FBXW11: variants seen among roughly 807,000 people sequenced by gnomAD.
FBXW11 encodes F-box/WD repeat-containing protein 11.
FBXW11 carries 19 observed loss-of-function variants against 77.6 expected under a neutral mutation model. The ratio of observed to expected loss-of-function variants is 0.24; its 90% CI spans 0.17 to 0.36. The LOEUF is 0.36. FBXW11 is among the 10% of genes least tolerant of loss of function. The pLI, the probability that FBXW11 is intolerant of heterozygous loss-of-function variation, is 1.00. For missense variants in FBXW11, 334 were observed against 704.2 expected, an observed-to-expected ratio of 0.47 and a Z score of 5.95; for synonymous variants, 235 against 249.4, an observed-to-expected ratio of 0.94 and a Z score of 0.54.
intron 7 of FBXW11, among the ~76,000 whole-genome samples, chr5:171,880,137 T>C (rs895170668): frequency 6.6e-5 from 10 of 152,226 alleles, no homozygotes; most frequent in Non-Finnish European, 1.2e-4. Flanking sequence ...GTCTAGACTG[T>C]TTAAGGGTAA....
intron 6 of FBXW11, among the ~76,000 whole-genome samples, chr5:171,895,963 C>A (rs77168743): frequency 6.6e-6 from 1 of 152,158 alleles, no homozygotes; most frequent in Non-Finnish European, 1.5e-5. Context: ...AACACCCAGG[C>A]GAGATGAGCC....
Position 171,927,983 on chromosome 5 carries a change from G to A in FBXW11, c.148-13578C>T, listed in dbSNP as rs148421461. ...TTCTTATTCCTCCTATTTCTTCACC[G>A]ATCAGCAAGGTTGAGCACTTCCATC... is the stretch of plus-strand genomic sequence containing the variant. On this transcript the variant is annotated intron_variant, in intron 2 of 13. Transcript: ENST00000517395. Among the ~76,000 whole-genome samples the A allele has an allele frequency of 6.6e-5, 10 of 152,192 alleles. No individual in the cohort carries two copies. The East Asian group carries it at 1.2e-3, about 18-fold the overall frequency.
intron 10 of FBXW11, among the ~76,000 whole-genome samples, chr5:171,872,122 T>C (rs1188993185): frequency 4.6e-5 from 7 of 152,236 alleles, no homozygotes. Context: ...AAACCCAATC[T>C]TTATTTTGAC....
At chr5:171,969,205 T>C (rs1403787212) in intron 1 of FBXW11, among the ~76,000 whole-genome samples, 1 of 152,054 alleles carries the variant, frequency 6.6e-6, no homozygotes, top group Non-Finnish European at 1.5e-5. Context: ...GAGGCAGAGG[T>C]TGCAGTAAGC....
At chr5:171,889,875 G>A (rs955151853) in intron 7 of FBXW11, among the ~76,000 whole-genome samples, 1 of 151,618 alleles carries the variant, frequency 6.6e-6, no homozygotes, top group Non-Finnish European at 1.5e-5. Context: ...CCCAGGCAAG[G>A]GTAAAACTCC....
chr5:171,922,957 C>G (rs899945001), intron 2 of FBXW11, among the ~76,000 whole-genome samples: 1 of 152,058 alleles, frequency 6.6e-6, no homozygotes, highest in Admixed American at 6.6e-5. Flanking sequence ...CTCTGCTGCC[C>G]AGGCTAGAGT....
At chr5:171,882,071 C>T (rs1758547633) in intron 7 of FBXW11, among the ~76,000 whole-genome samples, 1 of 152,144 alleles carries the variant, frequency 6.6e-6, no homozygotes, top group Non-Finnish European at 1.5e-5. Flanking sequence ...TTTCATTGAT[C>T]TCTGCCCTAC....
rs752011198 is a variant in FBXW11, at chr5:171,869,837, GA to G, written c.1452-31del. The G allele has an allele frequency of 6.0e-5, 90 of 1,491,170 alleles. No individual in the cohort carries two copies. The Middle Eastern group carries it at 1.2e-3, about 20-fold the overall frequency. 92.4% of individuals were successfully genotyped at this position (1,491,170 alleles called of 1,614,324 possible). A position where few individuals can be genotyped will look rare whatever the true frequency, so the allele number is the denominator to read the frequency against. ...AAAGGAAAATGAGATGTGATTAGTG[GA>G]AAAGTGAACAATTTATATGCTGTCA... On this transcript the variant is annotated intron_variant, in intron 11 of 13. Coordinates refer to ENST00000517395, the MANE Select transcript of FBXW11 (RefSeq NM_001378974.1). The surrounding 1 kb of genome is among the most constrained non-coding windows in gnomAD (Gnocchi z 4.1).
At chr5:171,883,169 T>C (rs1268962361) in intron 7 of FBXW11, among the ~76,000 whole-genome samples, 1 of 152,230 alleles carries the variant, frequency 6.6e-6, no homozygotes, top group Non-Finnish European at 1.5e-5. Flanking sequence ...AGTCACAGTT[T>C]CTTTATCCAC....
chr5:171,886,977 C>G (rs566408331), intron 7 of FBXW11, among the ~76,000 whole-genome samples: 1 of 152,252 alleles, frequency 6.6e-6, no homozygotes, highest in East Asian at 1.9e-4. Context: ...CGAAATCATG[C>G]CACTGCACTC....
chr5:171,985,374 C>CA (rs1765378206), intron 1 of FBXW11, among the ~76,000 whole-genome samples: 1 of 152,100 alleles, frequency 6.6e-6, no homozygotes, highest in Non-Finnish European at 1.5e-5. Context: ...CCTGTAACCC[C>CA]AACAGCTCAG....
At chr5:171,926,389 ATC>A in intron 2 of FBXW11, among the ~76,000 whole-genome samples, 1 of 152,314 alleles carries the variant, frequency 6.6e-6, no homozygotes, top group South Asian at 2.1e-4. Flanking sequence ...CACAGTTTGC[ATC>A]TGTGTCCCCA....
chr5:171,952,246 T>C (rs1285160769), intron 2 of FBXW11, among the ~76,000 whole-genome samples: 3 of 150,904 alleles, frequency 2.0e-5, no homozygotes, highest in African/African-American at 7.3e-5. Context: ...GGCCCTAAAA[T>C]AGCAACAAAT....
At chr5:171,929,877 TAAA>T (rs1561694114) in intron 2 of FBXW11, among the ~76,000 whole-genome samples, 1 of 151,572 alleles carries the variant, frequency 6.6e-6, no homozygotes, top group Non-Finnish European at 1.5e-5. Flanking sequence ...AAATAAAAAT[TAAA>T]AAATAAAAGT....
intron 2 of FBXW11, among the ~76,000 whole-genome samples, chr5:171,931,342 C>G (rs1302209757): frequency 6.6e-6 from 1 of 152,200 alleles, no homozygotes; most frequent in Non-Finnish European, 1.5e-5. Context: ...CAACAGAATA[C>G]AGAGCTAGGT....
intron 2 of FBXW11, among the ~76,000 whole-genome samples, chr5:171,931,854 T>A (rs1222292356): frequency 1.2e-4 from 1 of 8,376 alleles, no homozygotes; most frequent in African/African-American, 5.4e-4. Context: ...CCTCCCTCCC[T>A]CCCTCCCTCT....
intron 2 of FBXW11, among the ~76,000 whole-genome samples, chr5:171,915,133 T>C (rs1346436145): frequency 6.6e-6 from 1 of 152,246 alleles, no homozygotes; most frequent in African/African-American, 2.4e-5. Context: ...ACCTAATGGC[T>C]AAATGGAAAC....
At chr5:171,916,642 A>G (rs1009535391) in intron 2 of FBXW11, among the ~76,000 whole-genome samples, 1 of 152,206 alleles carries the variant, frequency 6.6e-6, no homozygotes, top group Non-Finnish European at 1.5e-5. Flanking sequence ...AGGTTTCCTC[A>G]GGGGAATAAA....
At chr5:172,006,420 C>G in intron 1 of FBXW11, 38 bp downstream of exon 1, 1 of 1,510,990 alleles carries the variant, frequency 6.6e-7, no homozygotes, top group Non-Finnish European at 8.9e-7. Flanking sequence ...CGGGGCCGGA[C>G]GGACGGAAGC....
Sources: allele counts gnomAD v4.1 joint callset (sites outside exome capture counted in the v4.1 genomes callset), GRCh38; gene constraint gnomAD v4.1.1; non-coding constraint Gnocchi (gnomAD v3.1); transcripts MANE v1.5; gene names NCBI Gene and HGNC (gene_info 2026-07-23, HGNC 2026-07-21).